Variants in OTOG observed in about 807,000 individuals in gnomAD.
The protein encoded by OTOG is otogelin.
In OTOG, 296 loss-of-function variants were observed where a neutral mutation model predicts 313.8. That is an observed-to-expected ratio of 0.94 (90% CI 0.86 to 1.04). OTOG has a LOEUF of 1.04. Among genes scored for constraint, OTOG ranks in the 50% least tolerant of loss-of-function variants. OTOG has a pLI of 0.00. For missense variants in OTOG, 3,948 were observed against 3,840.1 expected, an observed-to-expected ratio of 1.03 and a Z score of -0.74; for synonymous variants, 1,533 against 1,554.9, an observed-to-expected ratio of 0.99 and a Z score of 0.33.
chr11:17,595,723 G>T (rs1853080466), intron 28 of OTOG, among the ~76,000 whole-genome samples: 1 of 152,314 alleles, frequency 6.6e-6, no homozygotes, highest in East Asian at 1.9e-4. Context: ...TTCCATCCAT[G>T]TGGGGTCCCC....
intron 42 of OTOG, among the ~76,000 whole-genome samples, chr11:17,633,303 C>G (rs905265330): frequency 6.6e-6 from 1 of 152,212 alleles, no homozygotes; most frequent in Non-Finnish European, 1.5e-5. Flanking sequence ...GTTGGCAAAC[C>G]TTTTCGGTAA....
At chr11:17,618,800 G>T (rs1210763183) in intron 39 of OTOG, among the ~76,000 whole-genome samples, 2 of 152,070 alleles carry the variant, frequency 1.3e-5, no homozygotes, top group South Asian at 2.1e-4. Flanking sequence ...CTTAGGAAAT[G>T]GCCATTTTAT....
chr11:17,553,005 G>A, intron 4 of OTOG, 114 bp from the exon 5 acceptor site: 1 of 899,708 alleles, frequency 1.1e-6, no homozygotes, highest in Non-Finnish European at 1.7e-6. Context: ...AGGAATGTTG[G>A]GGCTGGGGCT....
At position 17,558,661 on chromosome 11, in the gene OTOG, T is replaced by G. The variant is rs924191470; in HGVS notation, c.1103+17T>G. The G allele has an allele frequency of 1.9e-6, 3 of 1,546,190 alleles. No homozygotes were observed. Among genetic ancestry groups the G allele is most frequent in the Non-Finnish European group, 2.6e-6 (3 of 1,145,628 alleles). On this transcript the variant is annotated intron_variant, in intron 10 of 55. Transcript: ENST00000399397. ...TCTCTGCCAGTGAGTAGGGGTGGTG[T>G]GGGCTATGGGGAACCCTCTAGTATT...
Position 17,583,985 on chromosome 11 carries a change from C to G in OTOG, c.2760-2489C>G, listed in dbSNP as rs113495248. 1.5e-3 allele frequency among the ~76,000 whole-genome samples: 229 copies of G among 152,256 alleles called. 1 individual carries two copies. Among genetic ancestry groups the G allele is most frequent in the African/African-American group, 4.4e-3 (184 of 41,556 alleles). Reference sequence around the variant, plus strand: ...TATTTATTGGTCTTCATTAATTTCTCTTAGCAATATTTCATAGTTTTCATG... The same window carrying G: ...TATTTATTGGTCTTCATTAATTTCTGTTAGCAATATTTCATAGTTTTCATG... On this transcript the variant is annotated intron_variant, in intron 23 of 55. Transcript: ENST00000399397.
At position 17,609,809 on chromosome 11, in the gene OTOG, C is replaced by G; in HGVS notation, c.4509C>G (p.Ala1503=). The G allele has an allele frequency of 6.5e-7, 1 of 1,544,804 alleles. No homozygotes were observed. The highest frequency in any genetic ancestry group is 1.4e-5 in the African/African-American group (1 of 72,968). Reference sequence around the variant, plus strand: ...ACAGGCCAGCCCTCACCCCAGCTGCCCCACTCACCACAGCCCTGAACCCAC... The same window carrying G: ...ACAGGCCAGCCCTCACCCCAGCTGCGCCACTCACCACAGCCCTGAACCCAC... The part of the protein sequence containing the change: ...PTHRPALTPA[A]PLTTALNPPV... Residue 1503 remains alanine, a synonymous_variant, in exon 36 of 56, where the codon GCC becomes GCG. Transcript: ENST00000399397.
chr11:17,557,490 G>A (rs1225947906), intron 8 of OTOG, among the ~76,000 whole-genome samples, 167 bp downstream of exon 8: 4 of 152,116 alleles, frequency 2.6e-5, no homozygotes, highest in African/African-American at 9.7e-5. Flanking sequence ...GTGTCCTTGG[G>A]CATGTTCTTA....
Position 17,632,092 on chromosome 11 carries a change from C to T in OTOG, c.6938C>T (p.Pro2313Leu). The T allele has an allele frequency of 1.9e-6, 3 of 1,550,912 alleles. No individual in the cohort carries two copies. The highest frequency in any genetic ancestry group is 2.6e-6 in the Non-Finnish European group (3 of 1,146,976). Reference sequence around the variant, plus strand: ...CTGCCTGATGCATATGTCCAGGTGCCTCCGGAGTCATTCTGTGAGCTGTGG... The same window carrying T: ...CTGCCTGATGCATATGTCCAGGTGCTTCCGGAGTCATTCTGTGAGCTGTGG... Reference protein sequence around the residue: ...RTFSACHRFVPPESFCELWIR... With the variant: ...RTFSACHRFVLPESFCELWIR... Residue 2313 changes from proline to leucine, a missense_variant, in exon 42 of 56, where the codon CCT becomes CTT. Physicochemically the swap from Pro to Leu is moderately conservative, Grantham distance 98. Transcript: ENST00000399397.
intron 39 of OTOG, among the ~76,000 whole-genome samples, chr11:17,619,229 C>T (rs769113861): frequency 1.2e-4 from 18 of 152,278 alleles, no homozygotes; most frequent in Admixed American, 5.2e-4. Flanking sequence ...CGTGATTGCA[C>T]GACTGCACTC....
At position 17,632,137 on chromosome 11, in the gene OTOG, T is replaced by C. The variant is rs1183675161; in HGVS notation, c.6983T>C (p.Val2328Ala). 11 of 1,550,948 alleles carry C rather than the reference T, an allele frequency of 7.1e-6. No individual in the cohort carries two copies. Among genetic ancestry groups the C allele is most frequent in the Non-Finnish European group, 8.7e-6 (10 of 1,147,020 alleles). The change falls in exon 42 of 56, where the codon GTG (valine) becomes GCG (alanine). Residue 2328 changes from valine to alanine, a missense_variant. Transcript: ENST00000399397. ...CTGTGGATCCGGGACACCAAGTACG[T>C]GCAGCAGCCCTGCGTGGCCCTGACT... is the stretch of plus-strand genomic sequence containing the variant. ...CELWIRDTKY[V>A]QQPCVALTVY...
chr11:17,548,805 C>A (rs1859820), intron 3 of OTOG, among the ~76,000 whole-genome samples: 14,057 of 152,066 alleles, frequency 0.092, 772 homozygotes, highest in Middle Eastern at 0.27. Flanking sequence ...GCAGCCTCAA[C>A]TTCCTGGGCT....
rs561288842 is a variant in OTOG, at chr11:17,639,410, T to G, written c.7895-13T>G. 1.9e-6 allele frequency: 3 copies of G among 1,550,638 alleles called. No individual in the cohort carries two copies. In the African/African-American group the frequency reaches 4.1e-5, roughly 21 times the overall value. On this transcript the variant is annotated splice_polypyrimidine_tract_variant and intron_variant, in intron 48 of 55. Transcript: ENST00000399397. Reference sequence around the variant, plus strand: ...CCCTGATGAAGTGGGGCCTGGCCCCTTGTGTTTTTCAGAATGTGACTGTGA... The same window carrying G: ...CCCTGATGAAGTGGGGCCTGGCCCCGTGTGTTTTTCAGAATGTGACTGTGA...
chr11:17,637,045 A>C (rs1029769588), intron 47 of OTOG, among the ~76,000 whole-genome samples: 2 of 152,132 alleles, frequency 1.3e-5, no homozygotes, highest in Non-Finnish European at 2.9e-5. Context: ...TTACAAAAGC[A>C]CTGTATATGC....
At chr11:17,633,302 C>T (rs1209697011) in intron 42 of OTOG, among the ~76,000 whole-genome samples, 1 of 152,224 alleles carries the variant, frequency 6.6e-6, no homozygotes, top group African/African-American at 2.4e-5. Context: ...GGTTGGCAAA[C>T]CTTTTCGGTA....
Position 17,638,477 on chromosome 11 carries a change from G to A in OTOG, c.7822G>A (p.Val2608Met). The A allele has an allele frequency of 6.5e-7, 1 of 1,550,016 alleles. No individual in the cohort carries two copies. Among genetic ancestry groups the A allele is most frequent in the Non-Finnish European group, 8.7e-7 (1 of 1,146,954 alleles). ...CVCENFRCPQ[V>M]QCGLGTALVE... ...GTGTGAGAACTTCCGCTGTCCCCAA[G>A]TGCAGTGTGGCCTGGGCACTGCCCT... Residue 2608 changes from valine to methionine, a missense_variant, in exon 48 of 56, where the codon GTG (valine) becomes ATG (methionine). Transcript: ENST00000399397.
intron 38 of OTOG, among the ~76,000 whole-genome samples, chr11:17,613,117 A>T (rs190555289): frequency 2.4e-3 from 363 of 152,124 alleles, no homozygotes; most frequent in Middle Eastern, 0.01. Context: ...TCCTACTAGG[A>T]TGTCCCCATA....
rs1204664283 is a variant in OTOG at position 17,645,800 on chromosome 11, C to T, written c.8598C>T (p.Asn2866=). Residue 2866 remains asparagine, a synonymous_variant, in exon 56 of 56, where the codon AAC becomes AAT. Coordinates refer to ENST00000399397, the MANE Select transcript of OTOG (RefSeq NM_001292063.2). ...RCPSASIYNY[N]INTYARFCKC... ...CATCCGCCAGCATCTACAACTACAA[C>T]ATCAACACCTATGCCCGATTCTGCA... 6.4e-7 allele frequency: 1 copy of T among 1,551,024 alleles called. No individual in the cohort carries two copies. The highest frequency in any genetic ancestry group is 8.7e-7 in the Non-Finnish European group (1 of 1,147,130).
chr11:17,562,385 T>C (rs908192688), intron 15 of OTOG, among the ~76,000 whole-genome samples: 4 of 152,148 alleles, frequency 2.6e-5, no homozygotes, highest in Non-Finnish European at 5.9e-5. Context: ...TTTGAAAAAG[T>C]ACACCGTTTT....
At chr11:17,587,637 G>A (rs1271708271) in intron 24 of OTOG, among the ~76,000 whole-genome samples, 3 of 152,206 alleles carry the variant, frequency 2.0e-5, no homozygotes, top group African/African-American at 4.8e-5. Flanking sequence ...GTTAGAAGCA[G>A]GGTCACGGTC....
Sources: allele counts gnomAD v4.1 joint callset (sites outside exome capture counted in the v4.1 genomes callset), GRCh38; gene constraint gnomAD v4.1.1; transcripts MANE v1.5; gene names NCBI Gene and HGNC (gene_info 2026-07-23, HGNC 2026-07-21).